MSL2: variants seen among roughly 807,000 people sequenced by gnomAD.
MSL2 encodes the protein MSL complex subunit 2.
Under a neutral mutation model 35.8 loss-of-function variants are expected in MSL2, and 2 were observed. The observed-to-expected ratio is 0.06, with a 90% CI of 0.02 to 0.18. The LOEUF is 0.18. Ranked by LOEUF, MSL2 falls within the 10% of genes least tolerant of loss-of-function variation. MSL2 has a pLI of 1.00. For synonymous variants in MSL2, 296 were observed against 255.7 expected, an observed-to-expected ratio of 1.16 and a Z score of -1.50; for missense variants, 523 against 706.7, an observed-to-expected ratio of 0.74 and a Z score of 2.95.
chr3:136,164,744 A>G (rs1939793307), intron 1 of MSL2, among the ~76,000 whole-genome samples: 1 of 152,204 alleles, frequency 6.6e-6, no homozygotes, highest in African/African-American at 2.4e-5. Context: ...ACAGGAGGAA[A>G]TATGTCAGTC....
At chr3:136,188,116 G>C (rs754129014) in intron 1 of MSL2, among the ~76,000 whole-genome samples, 1 of 152,070 alleles carries the variant, frequency 6.6e-6, no homozygotes, top group African/African-American at 2.4e-5. Context: ...CAAGCCAAAG[G>C]TTTTCTCCTT....
At chr3:136,167,595 G>A (rs1056623963) in intron 1 of MSL2, among the ~76,000 whole-genome samples, 1 of 152,114 alleles carries the variant, frequency 6.6e-6, no homozygotes, top group African/African-American at 2.4e-5. Context: ...TATGACTCAT[G>A]AGGATGAAGG....
chr3:136,185,540 A>AG (rs1201531622), intron 1 of MSL2, among the ~76,000 whole-genome samples: 43 of 53,542 alleles, frequency 8.0e-4, no homozygotes, highest in East Asian at 1.8e-3. Context: ...TTTTTTTTGG[A>AG]GGGGGGGGTG....
intron 1 of MSL2, among the ~76,000 whole-genome samples, chr3:136,154,911 T>G (rs1019716337): frequency 6.6e-6 from 1 of 151,986 alleles, no homozygotes; most frequent in Non-Finnish European, 1.5e-5. Context: ...TATAATACAT[T>G]TTAAGAAAGC....
chr3:136,165,976 T>C (rs1442444493), intron 1 of MSL2, among the ~76,000 whole-genome samples: 1 of 143,014 alleles, frequency 7.0e-6, no homozygotes, highest in Non-Finnish European at 1.5e-5. Flanking sequence ...AGTGCCTGTA[T>C]CAAAACATTT....
chr3:136,162,509 G>A (rs1368937243), intron 1 of MSL2, among the ~76,000 whole-genome samples: 1 of 152,100 alleles, frequency 6.6e-6, no homozygotes, highest in Non-Finnish European at 1.5e-5. Context: ...TTGAGCCTGG[G>A]CCAGAGGTTG....
At chr3:136,194,934 A>G in intron 1 of MSL2, 38 bp downstream of exon 1, 5 of 1,612,506 alleles carry the variant, frequency 3.1e-6, no homozygotes, top group Non-Finnish European at 4.2e-6. Context: ...GGCTTTTAAA[A>G]ACAAGCATTG....
chr3:136,159,342 G>A (rs966303949), intron 1 of MSL2, among the ~76,000 whole-genome samples: 4 of 148,462 alleles, frequency 2.7e-5, no homozygotes, highest in South Asian at 2.1e-4. Flanking sequence ...AATGGGGAAA[G>A]GAGAGTACTT....
chr3:136,151,991 G>C lies in MSL2; in HGVS notation c.890C>G (p.Thr297Ser). 6.2e-7 allele frequency: 1 copy of C among 1,614,244 alleles called. No individual in the cohort carries two copies. The highest frequency in any genetic ancestry group is 8.5e-7 in the Non-Finnish European group (1 of 1,180,040). Reference sequence around the variant, plus strand: ...CTGCAGAAAAGGTCCATTGGATACAGTGGCTTCCAAGTTCGGCTGCAAATT... The same window carrying C: ...CTGCAGAAAAGGTCCATTGGATACACTGGCTTCCAAGTTCGGCTGCAAATT... ...CPNLQPNLEA[T>S]VSNGPFLQLS... The change falls in exon 2 of 2, where the codon ACT (threonine) becomes AGT (serine). Residue 297 changes from threonine to serine, a missense_variant. Coordinates refer to ENST00000309993, the MANE Select transcript of MSL2 (RefSeq NM_018133.4). This position sits in a 1 kb window ranked among gnomAD's most constrained non-coding sequence, Gnocchi z 5.2.
At position 136,152,295 on chromosome 3, in the gene MSL2, T is replaced by A. The variant is rs377613987; in HGVS notation, c.586A>T (p.Thr196Ser). The A allele has an allele frequency of 6.2e-7, 1 of 1,613,934 alleles. No homozygotes were observed. The highest frequency in any genetic ancestry group is 1.3e-5 in the African/African-American group (1 of 74,916). The stretch of plus-strand genomic sequence containing the variant: ...CTATCTATTGAAAGCCCATTATAAG[T>A]AGGCAAACCATTGATAACAGAACTG... ...IGSSVINGLPTYNGLSIDRFG... is the reference protein window; with the variant it reads ...IGSSVINGLPSYNGLSIDRFG... Residue 196 changes from threonine (T) to serine (S), a missense_variant, in exon 2 of 2, where the codon ACT (threonine) becomes TCT (serine). Thr to Ser is a moderately conservative substitution (Grantham distance 58). Transcript: ENST00000309993.
intron 1 of MSL2, among the ~76,000 whole-genome samples, chr3:136,178,317 A>C (rs1940240306): frequency 6.6e-6 from 1 of 152,194 alleles, no homozygotes; most frequent in African/African-American, 2.4e-5. Flanking sequence ...TAGGCTGATT[A>C]ATTAGGCAAA....
chr3:136,178,988 T>C (rs1184561788), intron 1 of MSL2, among the ~76,000 whole-genome samples: 6 of 146,004 alleles, frequency 4.1e-5, no homozygotes, highest in African/African-American at 1.5e-4. Context: ...TCTTTTTTTT[T>C]TTTTTTTTTT....
intron 1 of MSL2, among the ~76,000 whole-genome samples, chr3:136,175,721 G>C (rs1330147911): frequency 1.3e-5 from 2 of 152,156 alleles, no homozygotes; most frequent in Non-Finnish European, 2.9e-5. Flanking sequence ...GATAGGGCCG[G>C]AACAATAACC....
At chr3:136,187,948 A>G (rs1940568861) in intron 1 of MSL2, among the ~76,000 whole-genome samples, 1 of 152,130 alleles carries the variant, frequency 6.6e-6, no homozygotes, top group Non-Finnish European at 1.5e-5. Flanking sequence ...TTTTTTAAAA[A>G]AAAGAAAGAA....
intron 1 of MSL2, among the ~76,000 whole-genome samples, chr3:136,184,799 G>A (rs944566712): frequency 6.7e-6 from 1 of 148,854 alleles, no homozygotes; most frequent in Non-Finnish European, 1.5e-5. Context: ...AAACTGAGGA[G>A]GACATACTCC....
At chr3:136,169,299 T>A (rs1009695165) in intron 1 of MSL2, among the ~76,000 whole-genome samples, 1 of 141,120 alleles carries the variant, frequency 7.1e-6, no homozygotes, top group Non-Finnish European at 1.5e-5. Flanking sequence ...TGTGCATATG[T>A]ATGGGGGTAC....
chr3:136,186,950 G>C (rs1335715849), intron 1 of MSL2, among the ~76,000 whole-genome samples: 1 of 151,538 alleles, frequency 6.6e-6, no homozygotes, highest in Non-Finnish European at 1.5e-5. Context: ...TAAATACTAT[G>C]TAAGTAGTTG....
Position 136,181,856 on chromosome 3 carries a change from T to C in MSL2, c.142+13116A>G, listed in dbSNP as rs372263816. Among the ~76,000 whole-genome samples, 33 of 151,992 alleles carry C rather than the reference T, an allele frequency of 2.2e-4. No individual in the cohort carries two copies. In the South Asian group the frequency reaches 5.2e-3, roughly 24 times the overall value. On this transcript the variant is annotated intron_variant, in intron 1 of 1. Transcript: ENST00000309993. ...ACTGCTGGAACCCAGGAGACGAAGGTTGCAGTGAGCCAACACAGTGTCACT... is the reference window on the plus strand; with the variant it reads ...ACTGCTGGAACCCAGGAGACGAAGGCTGCAGTGAGCCAACACAGTGTCACT...
In MSL2 at chr3:136,178,571, C is replaced by T. The variant is rs997375951; in HGVS notation, c.142+16401G>A. Among the ~76,000 whole-genome samples the T allele has an allele frequency of 2.1e-5, 3 of 146,328 alleles. No homozygotes were observed. The South Asian group carries it at 6.4e-4, about 31-fold the overall frequency. On this transcript the variant is annotated intron_variant, in intron 1 of 1. Transcript: ENST00000309993. ...TTTTTGAGACAGGGTCTCACTCTGT[C>T]GCCCAGGCTGGAGTGCAGTGCTGCA...
Sources: gnomAD v4.1 joint callset for allele counts (sites outside exome capture counted in the v4.1 genomes callset) on GRCh38, gnomAD v4.1.1 for gene constraint, Gnocchi (gnomAD v3.1) non-coding constraint, MANE v1.5 for transcripts, NCBI Gene and HGNC (gene_info 2026-07-23, HGNC 2026-07-21) for gene names.